ZNF565: variants seen among roughly 807,000 people sequenced by gnomAD.
ZNF565 encodes zinc finger protein 565.
In ZNF565, 27 loss-of-function variants were observed where a neutral mutation model predicts 39.4. The ratio of observed to expected loss-of-function variants is 0.69; its 90% CI spans 0.51 to 0.95. The LOEUF (loss-of-function observed/expected upper bound fraction) is 0.95. Ranked by LOEUF, ZNF565 falls within the 40% of genes least tolerant of loss-of-function variation. The pLI is 0.00. For missense variants in ZNF565, 524 were observed against 621.1 expected (o/e 0.84, Z 1.66); for synonymous variants, 185 against 216.6 (o/e 0.85, Z 1.28).
intron 4 of ZNF565, among the ~76,000 whole-genome samples, chr19:36,187,945 C>G (rs1010865702): frequency 3.3e-5 from 5 of 151,822 alleles, no homozygotes; most frequent in South Asian, 2.1e-4. Flanking sequence ...GCCCAGCCTC[C>G]AAACATATAA....
In ZNF565 at chr19:36,233,113, G is replaced by C. The variant is rs142265602; in HGVS notation, c.55+12363C>G. ...GAAAAGCAGCTCCTGGCCAGGCGTGGTGGCTCACGCCTGTAGTGCCAGCAC... is the reference window on the plus strand; with the variant it reads ...GAAAAGCAGCTCCTGGCCAGGCGTGCTGGCTCACGCCTGTAGTGCCAGCAC... On this transcript the variant is annotated intron_variant, in intron 1 of 4. Transcript: ENST00000355114. Among the ~76,000 whole-genome samples, 137 of 152,334 alleles carry C rather than the reference G, an allele frequency of 9.0e-4. No homozygotes were observed. The East Asian group carries it at 0.018, about 20-fold the overall frequency.
At chr19:36,191,293 G>A (rs1446896719) in intron 4 of ZNF565, among the ~76,000 whole-genome samples, 1 of 149,172 alleles carries the variant, frequency 6.7e-6, no homozygotes, top group African/African-American at 2.5e-5. Context: ...AGATATGATC[G>A]ATTTCCTACC....
intron 1 of ZNF565, among the ~76,000 whole-genome samples, chr19:36,207,709 G>A (rs1209007977): frequency 6.6e-6 from 1 of 152,174 alleles, no homozygotes; most frequent in East Asian, 1.9e-4. Context: ...CTTGCACTTA[G>A]GTAGGGCCAT....
chr19:36,183,126 T>C lies in ZNF565; in HGVS notation c.840A>G (p.Val280=). 7 of 1,614,132 alleles carry C rather than the reference T, an allele frequency of 4.3e-6. No individual in the cohort carries two copies. Among genetic ancestry groups the C allele is most frequent in the Non-Finnish European group, 4.2e-6 (5 of 1,180,026 alleles). Residue 280 remains valine, a synonymous_variant, in exon 5 of 5, where the codon GTA becomes GTG. Coordinates refer to ENST00000304116, the MANE Select transcript of ZNF565 (RefSeq NM_152477.5). ...QRTHTGEKPY[V]CKDCGKAFIR... is the part of the protein sequence containing the mutation. ...TGAAAGCCTTGCCACAGTCTTTACA[T>C]ACGTAGGGTTTCTCGCCTGTGTGAG...
intron 2 of ZNF565, among the ~76,000 whole-genome samples, chr19:36,197,051 GT>G (rs1660565733): frequency 6.8e-6 from 1 of 147,486 alleles, no homozygotes; most frequent in South Asian, 2.1e-4. Flanking sequence ...GTGAAACTCT[GT>G]TTAAAAAAAA....
chr19:36,195,198 T>C (rs568621748), intron 2 of ZNF565, 42 bp from the exon 3 acceptor site: 168 of 1,572,716 alleles, frequency 1.1e-4, no homozygotes, highest in Middle Eastern at 3.4e-4. Flanking sequence ...TTAAGAAACT[T>C]TTTTCATTTA....
chr19:36,199,721 G>C (rs956565268), intron 2 of ZNF565, among the ~76,000 whole-genome samples: 1 of 152,066 alleles, frequency 6.6e-6, no homozygotes. Flanking sequence ...TTCCCATGTT[G>C]TGCAGGCTGG....
chr19:36,223,615 G>A (rs1367773531), intron 1 of ZNF565, among the ~76,000 whole-genome samples: 6 of 151,910 alleles, frequency 3.9e-5, no homozygotes, highest in Admixed American at 6.6e-5. Flanking sequence ...CGCCCGCCTC[G>A]GCCCTCCAAA....
chr19:36,209,211 AG>A (rs1976262376), intron 1 of ZNF565, among the ~76,000 whole-genome samples: 2 of 152,152 alleles, frequency 1.3e-5, no homozygotes, highest in South Asian at 4.2e-4. Context: ...TTACTGAAAT[AG>A]GTAAGTGGGA....
At chr19:36,189,765 T>A (rs1975457879) in intron 4 of ZNF565, among the ~76,000 whole-genome samples, 1 of 152,168 alleles carries the variant, frequency 6.6e-6, no homozygotes, top group Non-Finnish European at 1.5e-5. Context: ...TCAACAGCAA[T>A]AGGCTTAATA....
At chr19:36,241,184 A>T (rs1352745239) in intron 1 of ZNF565, among the ~76,000 whole-genome samples, 1 of 152,216 alleles carries the variant, frequency 6.6e-6, no homozygotes, top group African/African-American at 2.4e-5. Context: ...GGAGGAAAGA[A>T]TAATTCCCTT....
intron 1 of ZNF565, among the ~76,000 whole-genome samples, chr19:36,229,323 C>T (rs967514742): frequency 2.0e-5 from 3 of 152,200 alleles, no homozygotes; most frequent in Non-Finnish European, 2.9e-5. Context: ...CTTCTGCTCC[C>T]ATGTACCTCT....
chr19:36,237,265 A>C, intron 1 of ZNF565: 1 of 1,613,998 alleles, frequency 6.2e-7, no homozygotes, highest in Non-Finnish European at 8.5e-7. Flanking sequence ...AATGTGGGAA[A>C]GCTTTCAGCC....
chr19:36,213,690 T>A (rs75687980), intron 1 of ZNF565, among the ~76,000 whole-genome samples: 13 of 124,082 alleles, frequency 1.0e-4, no homozygotes, highest in African/African-American at 5.5e-4. Flanking sequence ...CAGCCATTAA[T>A]TTTTTTTTTT....
chr19:36,214,060 C>T (rs553076475), intron 1 of ZNF565, among the ~76,000 whole-genome samples: 341 of 152,006 alleles, frequency 2.2e-3, no homozygotes, highest in Non-Finnish European at 4.0e-3. Flanking sequence ...CACAACTGAA[C>T]TTTCACTGTG....
intron 1 of ZNF565, among the ~76,000 whole-genome samples, chr19:36,233,238 G>A (rs1279335745): frequency 2.6e-5 from 4 of 152,052 alleles, no homozygotes; most frequent in African/African-American, 9.7e-5. Context: ...CAAAAATTAG[G>A]CGTGGTGATG....
At chr19:36,202,934 C>G (rs1481512929) in intron 1 of ZNF565, among the ~76,000 whole-genome samples, 3 of 152,078 alleles carry the variant, frequency 2.0e-5, no homozygotes, top group Non-Finnish European at 4.4e-5. Flanking sequence ...GCTTGCATAC[C>G]CGCACATCCA....
chr19:36,215,075 G>A (rs1976538487), upstream of ZNF565: 1 of 152,386 alleles, frequency 6.6e-6, no homozygotes, highest in Non-Finnish European at 1.5e-5. Context: ...GCCGCGTCGC[G>A]GAGACTTCTG....
Position 36,183,297 on chromosome 19 carries a change from A to G in ZNF565, c.669T>C (p.Tyr223=), listed in dbSNP as rs749655239. 18 of 1,614,072 alleles carry G rather than the reference A, an allele frequency of 1.1e-5. No individual in the cohort carries two copies. The highest frequency in any genetic ancestry group is 1.3e-5 in the Non-Finnish European group (15 of 1,179,968). The change falls in exon 5 of 5, where the codon TAT becomes TAC. Residue 223 remains tyrosine (Y), a synonymous_variant. Coordinates refer to ENST00000304116, the MANE Select transcript of ZNF565 (RefSeq NM_152477.5). ...HQRIHTGEKP[Y]DCKDCGKAFG... ...AGGCCTTCCCACAGTCCTTACAGTC[A>G]TAAGGTTTCTCACCCGTGTGAATTC...
Sources: gnomAD v4.1 joint callset for allele counts (sites outside exome capture counted in the v4.1 genomes callset) on GRCh38, gnomAD v4.1.1 for gene constraint, MANE v1.5 for transcripts, NCBI Gene and HGNC (gene_info 2026-07-23, HGNC 2026-07-21) for gene names.